Variants in DAB1 observed in about 807,000 individuals in gnomAD.
DAB1 encodes the protein disabled homolog 1.
A neutral mutation model predicts 64.6 loss-of-function variants in DAB1; 15 were observed. That is an observed-to-expected ratio of 0.23 (90% CI 0.16 to 0.36). The LOEUF is 0.36. Among genes scored for constraint, DAB1 ranks in the 10% least tolerant of loss-of-function variants. DAB1 has a pLI of 1.00. For missense variants in DAB1, 596 were observed against 706.7 expected, an observed-to-expected ratio of 0.84 and a Z score of 1.78; for synonymous variants, 235 against 251.9, an observed-to-expected ratio of 0.93 and a Z score of 0.64.
intron 7 of DAB1, among the ~76,000 whole-genome samples, chr1:57,619,589 G>A (rs1260374249): frequency 1.3e-5 from 2 of 151,960 alleles, no homozygotes; most frequent in Non-Finnish European, 2.9e-5. Context: ...TTTTTGTAGA[G>A]ATAGGGTCTC....
chr1:57,555,394 T>TG (rs1321107269), intron 7 of DAB1, among the ~76,000 whole-genome samples: 1 of 144,718 alleles, frequency 6.9e-6, no homozygotes, highest in African/African-American at 2.6e-5. Context: ...TCTCTGGGTT[T>TG]TTTTTTTTTT....
intron 2 of DAB1, among the ~76,000 whole-genome samples, chr1:57,219,955 G>T (rs1329667564): frequency 6.6e-6 from 1 of 152,180 alleles, no homozygotes; most frequent in Non-Finnish European, 1.5e-5. Context: ...GCTGTTTAAA[G>T]CCACTAAGTC....
intron 6 of DAB1, among the ~76,000 whole-genome samples, chr1:57,754,900 T>C (rs1167129186): frequency 6.6e-6 from 1 of 152,224 alleles, no homozygotes; most frequent in South Asian, 2.1e-4. Context: ...AGATTCCCAA[T>C]GCACATTTTC....
In DAB1 at chr1:57,026,012, A is replaced by G. The variant is rs893620084; in HGVS notation, c.755T>C (p.Met252Thr). ...AGAGGTTATATCAGGGGGTGTGGAC[A>G]TGTCCCCAAAAAGTTCTAATTGGGT... ...AVTQLELFGD[M>T]STPPDITSPP... Residue 252 changes from methionine (M) to threonine (T), a missense_variant, in exon 10 of 15, where the codon ATG (methionine) becomes ACG (threonine). Around this residue, in one of 3 missense-constraint regions of DAB1, gnomAD observed 377 missense variants for 400.4 expected, o/e 0.94. Coordinates refer to ENST00000371236, the MANE Select transcript of DAB1 (RefSeq NM_001365792.1). The G allele has an allele frequency of 7.5e-6, 12 of 1,594,390 alleles. No homozygotes were observed. The highest frequency in any genetic ancestry group is 1.0e-5 in the Non-Finnish European group (12 of 1,172,190).
intron 5 of DAB1, among the ~76,000 whole-genome samples, chr1:58,002,058 C>T (rs1646514579): frequency 6.6e-6 from 1 of 152,148 alleles, no homozygotes; most frequent in African/African-American, 2.4e-5. Flanking sequence ...AGGAACTGGC[C>T]CTCCCAACAC....
intron 3 of DAB1, among the ~76,000 whole-genome samples, chr1:58,438,554 C>A (rs1644970965): frequency 1.3e-5 from 2 of 152,174 alleles, no homozygotes; most frequent in South Asian, 4.1e-4. Context: ...TCCGCCCCTG[C>A]CCTCACGTTC....
intron 5 of DAB1, among the ~76,000 whole-genome samples, chr1:58,073,958 A>G (rs1649435556): frequency 6.6e-6 from 1 of 152,222 alleles, no homozygotes; most frequent in African/African-American, 2.4e-5. Context: ...AGAGATAAAA[A>G]TGACTCCACG....
At chr1:57,227,244 G>A (rs1321964608) in intron 2 of DAB1, among the ~76,000 whole-genome samples, 1 of 152,080 alleles carries the variant, frequency 6.6e-6, no homozygotes, top group East Asian at 1.9e-4. Context: ...ACCCTGACAA[G>A]ATTTTAAAAG....
intron 5 of DAB1, among the ~76,000 whole-genome samples, chr1:57,942,189 C>G (rs1160790250): frequency 6.6e-6 from 1 of 152,116 alleles, no homozygotes; most frequent in Non-Finnish European, 1.5e-5. Context: ...TGCTCACAAG[C>G]CTTGGTATAG....
Position 58,498,937 on chromosome 1 carries a change from T to A in DAB1, n.257+7123A>T, listed in dbSNP as rs1017692436. Among the ~76,000 whole-genome samples the A allele has an allele frequency of 3.7e-4, 56 of 151,992 alleles. 1 individual carries two copies. The highest frequency in any genetic ancestry group is 5.0e-4 in the Non-Finnish European group (34 of 67,960). On this transcript the variant is annotated intron_variant and non_coding_transcript_variant, in intron 3 of 20. Transcript: ENST00000485760. Reference sequence around the variant, plus strand: ...AATAATTTAAAGTAAATACAAAAAATTAAAAATTAAGGCCACCTTGACATA... The same window carrying A: ...AATAATTTAAAGTAAATACAAAAAAATAAAAATTAAGGCCACCTTGACATA...
chr1:57,865,501 C>T (rs1654256805), intron 1 of DAB1, among the ~76,000 whole-genome samples: 1 of 152,058 alleles, frequency 6.6e-6, no homozygotes, highest in Non-Finnish European at 1.5e-5. Flanking sequence ...TTCTTGGTGT[C>T]AATACTCCAG....
At chr1:57,451,217 G>A (rs1057513238) in intron 7 of DAB1, among the ~76,000 whole-genome samples, 1 of 152,096 alleles carries the variant, frequency 6.6e-6, no homozygotes. Flanking sequence ...TTGCCCTCTT[G>A]TCTTTAGCTC....
rs760954138 is a variant in DAB1, at chr1:58,321,805, GCCTCTGTAGACCCCAC to G, written n.309+21531_309+21546del. On this transcript the variant is annotated intron_variant and non_coding_transcript_variant, in intron 4 of 20. Coordinates refer to the DAB1 transcript ENST00000485760. ...CCACTGCAGCTCTGCAAGGCCTGCTGCCTCTGTAGACCCCACCCCTGGGGGCAGGGCATAGCTGAAC... is the reference window on the plus strand; with the variant it reads ...CCACTGCAGCTCTGCAAGGCCTGCTGCCCTGGGGGCAGGGCATAGCTGAAC... 1.6e-4 allele frequency among the ~76,000 whole-genome samples: 24 copies of G among 152,252 alleles called. 1 individual carries two copies. The highest frequency in any genetic ancestry group is 1.5e-3 in the East Asian group (8 of 5,194).
intron 8 of DAB1, among the ~76,000 whole-genome samples, chr1:57,065,364 T>C (rs1269763584): frequency 2.6e-5 from 4 of 152,320 alleles, no homozygotes; most frequent in Admixed American, 1.3e-4. Flanking sequence ...GTGAACATGA[T>C]GGATATGGCC....
chr1:58,504,185 T>C (rs1162354905), intron 3 of DAB1, among the ~76,000 whole-genome samples: 1 of 152,246 alleles, frequency 6.6e-6, no homozygotes, highest in Non-Finnish European at 1.5e-5. Context: ...TCACTTGAAG[T>C]GAAAGTCAAG....
chr1:57,764,818 C>CTT (rs1649238055), intron 6 of DAB1, among the ~76,000 whole-genome samples: 2 of 151,958 alleles, frequency 1.3e-5, no homozygotes, highest in Admixed American at 1.3e-4. Context: ...CAAAATATCC[C>CTT]TTATTCCTGT....
intron 7 of DAB1, among the ~76,000 whole-genome samples, chr1:57,442,607 T>C (rs552154346): frequency 6.6e-6 from 1 of 152,214 alleles, no homozygotes; most frequent in African/African-American, 2.4e-5. Flanking sequence ...TGGCATATTA[T>C]AGAAGATCTG....
At chr1:58,111,210 T>C (rs1304430717) in intron 5 of DAB1, among the ~76,000 whole-genome samples, 1 of 152,254 alleles carries the variant, frequency 6.6e-6, no homozygotes, top group Non-Finnish European at 1.5e-5. Flanking sequence ...TTCCAGACTC[T>C]GCTTCCACAT....
Position 57,529,568 on chromosome 1 carries a change from T to C in DAB1, n.625+120024A>G, listed in dbSNP as rs540146913. On this transcript the variant is annotated intron_variant and non_coding_transcript_variant, in intron 7 of 20. Coordinates refer to the DAB1 transcript ENST00000485760. ...TGCAAACACTAAACAAAATATGTTG[T>C]GACTATATTAATACCTGACACAATA... is the stretch of plus-strand genomic sequence containing the variant. Among the ~76,000 whole-genome samples the C allele has an allele frequency of 3.9e-5, 6 of 152,246 alleles. 1 individual carries two copies. The South Asian group carries it at 6.2e-4, about 16-fold the overall frequency.
Sources: gnomAD v4.1 joint callset for allele counts (sites outside exome capture counted in the v4.1 genomes callset) on GRCh38, gnomAD v4.1.1 for gene constraint, gnomAD v4.1.1 regional missense constraint, MANE v1.5 for transcripts, NCBI Gene and HGNC (gene_info 2026-07-23, HGNC 2026-07-21) for gene names.